The following CTNND2 variants were observed in gnomAD, a reference collection of about 807,000 sequenced individuals.
CTNND2 encodes catenin delta-2.
CTNND2 carries 22 observed loss-of-function variants against 144.4 expected under a neutral mutation model. That is an observed-to-expected ratio of 0.15 (90% confidence interval 0.11 to 0.22). The LOEUF (loss-of-function observed/expected upper bound fraction) is 0.22. Among genes scored for constraint, CTNND2 ranks in the 10% least tolerant of loss-of-function variants. CTNND2 has a pLI of 1.00. For synonymous variants in CTNND2, 751 were observed against 695.6 expected, an observed-to-expected ratio of 1.08 and a Z score of -1.25; for missense variants, 1,353 against 1,618.8, an observed-to-expected ratio of 0.84 and a Z score of 2.82.
intron 14 of CTNND2, among the ~76,000 whole-genome samples, chr5:11,100,402 C>T (rs1018076064): frequency 5.3e-5 from 8 of 152,052 alleles, no homozygotes; most frequent in Non-Finnish European, 8.8e-5. Context: ...TGTGAACTGC[C>T]TATCAATAAA....
At chr5:11,376,095 G>C (rs1757899905) in intron 7 of CTNND2, among the ~76,000 whole-genome samples, 1 of 152,072 alleles carries the variant, frequency 6.6e-6, no homozygotes, top group Non-Finnish European at 1.5e-5. Flanking sequence ...GCCGAAAAGT[G>C]GACCCTCATG....
chr5:11,028,327 G>A (rs1251197414), intron 16 of CTNND2, among the ~76,000 whole-genome samples: 1 of 151,922 alleles, frequency 6.6e-6, no homozygotes, highest in African/African-American at 2.4e-5. Flanking sequence ...CTGATCTGTG[G>A]GTTTTTGCTG....
intron 3 of CTNND2, among the ~76,000 whole-genome samples, chr5:11,497,613 T>C (rs1231272300): frequency 7.2e-6 from 1 of 139,130 alleles, no homozygotes; most frequent in Non-Finnish European, 1.5e-5. Flanking sequence ...TATAAGGGAG[T>C]GGAGAGAGGA....
intron 1 of CTNND2, among the ~76,000 whole-genome samples, chr5:11,744,681 G>A (rs570892796): frequency 5.9e-5 from 1 of 17,042 alleles, no homozygotes; most frequent in Admixed American, 1.4e-3. Flanking sequence ...GTGTGTGTGT[G>A]TGTTTGTGTG....
intron 8 of CTNND2, among the ~76,000 whole-genome samples, chr5:11,360,635 C>T (rs1375202750): frequency 6.6e-6 from 1 of 152,158 alleles, no homozygotes; most frequent in African/African-American, 2.4e-5. Flanking sequence ...GAGAGGAAGG[C>T]CACTTTAGTA....
chr5:11,382,348 T>C (rs1429017227), intron 7 of CTNND2, among the ~76,000 whole-genome samples: 2 of 152,038 alleles, frequency 1.3e-5, no homozygotes, highest in East Asian at 3.9e-4. Context: ...CCTGTAAACC[T>C]AGCATTTTGG....
At chr5:11,733,198 A>C (rs531684103) in intron 1 of CTNND2, among the ~76,000 whole-genome samples, 2 of 152,268 alleles carry the variant, frequency 1.3e-5, no homozygotes, top group African/African-American at 4.8e-5. Flanking sequence ...CCCCAGCTGA[A>C]GCCTGTTGGT....
At chr5:11,100,268 T>G (rs1369202730) in intron 14 of CTNND2, among the ~76,000 whole-genome samples, 1 of 152,192 alleles carries the variant, frequency 6.6e-6, no homozygotes. Flanking sequence ...GACATCCCAT[T>G]AAAGGTCATT....
intron 8 of CTNND2, among the ~76,000 whole-genome samples, chr5:11,362,474 CAG>C (rs1756565443): frequency 6.6e-6 from 1 of 152,146 alleles, no homozygotes; most frequent in Non-Finnish European, 1.5e-5. Flanking sequence ...GCAGGGAAGA[CAG>C]AGTTTGCGGC....
At chr5:11,064,775 A>G (rs1381895074) in intron 16 of CTNND2, among the ~76,000 whole-genome samples, 1 of 152,246 alleles carries the variant, frequency 6.6e-6, no homozygotes, top group African/African-American at 2.4e-5. Context: ...AGAATGCTTA[A>G]AGGAAAGTTA....
intron 10 of CTNND2, among the ~76,000 whole-genome samples, chr5:11,219,129 T>C (rs1326558464): frequency 6.6e-6 from 1 of 152,158 alleles, no homozygotes; most frequent in African/African-American, 2.4e-5. Context: ...CCAATGGCCA[T>C]AAAAGTAGCC....
At chr5:11,317,454 T>A (rs1342735781) in intron 9 of CTNND2, among the ~76,000 whole-genome samples, 1 of 152,226 alleles carries the variant, frequency 6.6e-6, no homozygotes, top group Non-Finnish European at 1.5e-5. Context: ...CTTCCCATTT[T>A]GCTTTTTCTC....
At chr5:11,195,650 G>A (rs550549970) in intron 11 of CTNND2, among the ~76,000 whole-genome samples, 40 of 152,228 alleles carry the variant, frequency 2.6e-4, no homozygotes, top group Non-Finnish European at 4.8e-4. Flanking sequence ...CTCAAGACAC[G>A]TGCTTTCACC....
At chr5:11,672,639 A>G (rs1017264174) in intron 2 of CTNND2, among the ~76,000 whole-genome samples, 23 of 152,272 alleles carry the variant, frequency 1.5e-4, no homozygotes, top group African/African-American at 4.3e-4. Flanking sequence ...AAGCTTGAGC[A>G]TCCCAGGTAG....
At chr5:11,016,075 C>T (rs948467405) in intron 18 of CTNND2, among the ~76,000 whole-genome samples, 2 of 152,102 alleles carry the variant, frequency 1.3e-5, no homozygotes, top group Admixed American at 6.5e-5. Context: ...TTTTTTTCAA[C>T]CAAATGCAGA....
At chr5:11,432,527 T>A (rs1486669219) in intron 3 of CTNND2, among the ~76,000 whole-genome samples, 1 of 152,306 alleles carries the variant, frequency 6.6e-6, no homozygotes, top group South Asian at 2.1e-4. Context: ...TAGGTGTGCA[T>A]GACTCTGCAG....
chr5:11,539,381 TC>T (rs1454535685), intron 3 of CTNND2, among the ~76,000 whole-genome samples: 1 of 152,130 alleles, frequency 6.6e-6, no homozygotes, highest in Non-Finnish European at 1.5e-5. Flanking sequence ...GTGAGTTCCA[TC>T]CCATAAATCT....
At chr5:11,013,057 C>T (rs931347587) in intron 18 of CTNND2, among the ~76,000 whole-genome samples, 1 of 152,174 alleles carries the variant, frequency 6.6e-6, no homozygotes, top group African/African-American at 2.4e-5. Flanking sequence ...CTCACCTTCC[C>T]CTCACGCTTC....
intron 3 of CTNND2, among the ~76,000 whole-genome samples, chr5:11,559,235 T>C (rs1776489650): frequency 6.6e-6 from 1 of 152,120 alleles, no homozygotes; most frequent in Non-Finnish European, 1.5e-5. Flanking sequence ...TTCTACATGC[T>C]CACAAGTGAG....
Sources: gnomAD v4.1 joint callset for allele counts (sites outside exome capture counted in the v4.1 genomes callset) on GRCh38, gnomAD v4.1.1 for gene constraint, MANE v1.5 for transcripts, NCBI Gene and HGNC (gene_info 2026-07-23, HGNC 2026-07-21) for gene names.